ITGBL1: variants seen among roughly 807,000 people sequenced by gnomAD.
ITGBL1 encodes integrin subunit beta like 1, also known as integrin beta-like protein 1.
ITGBL1 carries 51 observed loss-of-function variants against 68.5 expected under a neutral mutation model. That is an observed-to-expected ratio of 0.74 (90% confidence interval 0.59 to 0.94). The LOEUF is 0.94. ITGBL1 is among the 40% of genes least tolerant of loss of function. The pLI, the probability that ITGBL1 is intolerant of heterozygous loss-of-function variation, is 0.00. For synonymous variants in ITGBL1, 209 were observed against 227.3 expected (o/e 0.92, Z 0.72); for missense variants, 649 against 647.4 (o/e 1.00, Z -0.03).
At chr13:101,483,970 A>G (rs576349036) in intron 2 of ITGBL1, among the ~76,000 whole-genome samples, 7 of 152,318 alleles carry the variant, frequency 4.6e-5, no homozygotes, top group Admixed American at 6.5e-5. Flanking sequence ...TGAAATGGAA[A>G]AACAGTACTT....
chr13:101,533,464 C>G (rs2049517602), intron 2 of ITGBL1, among the ~76,000 whole-genome samples: 1 of 152,192 alleles, frequency 6.6e-6, no homozygotes, highest in Admixed American at 6.5e-5. Context: ...AGACTTAAAA[C>G]TGTAGCATGA....
intron 2 of ITGBL1, among the ~76,000 whole-genome samples, chr13:101,553,883 A>C (rs569234133): frequency 2.0e-5 from 3 of 151,986 alleles, no homozygotes; most frequent in Non-Finnish European, 4.4e-5. Context: ...CAAGCAATTC[A>C]ACTGTCTCAA....
chr13:101,460,470 T>C (rs2048303457), intron 2 of ITGBL1, among the ~76,000 whole-genome samples: 2 of 152,348 alleles, frequency 1.3e-5, no homozygotes, highest in African/African-American at 4.8e-5. Context: ...TAAATGCATA[T>C]TGTCTTAGCC....
chr13:101,567,304 A>G (rs527451387), intron 2 of ITGBL1, among the ~76,000 whole-genome samples: 10 of 152,098 alleles, frequency 6.6e-5, no homozygotes, highest in Non-Finnish European at 1.0e-4. Flanking sequence ...AAGAGTCTTT[A>G]TTCATGGTTT....
chr13:101,605,410 GTA>G (rs1489390515), intron 7 of ITGBL1, among the ~76,000 whole-genome samples: 3 of 121,074 alleles, frequency 2.5e-5, no homozygotes, highest in Non-Finnish European at 5.1e-5. Context: ...GTGTATATGC[GTA>G]TATATACACA....
chr13:101,474,352 G>A (rs1220353888), intron 2 of ITGBL1, among the ~76,000 whole-genome samples: 1 of 152,156 alleles, frequency 6.6e-6, no homozygotes, highest in Admixed American at 6.5e-5. Context: ...GGAGAGGGAA[G>A]GGTGGGAAGA....
chr13:101,553,829 C>T (rs964227727), intron 2 of ITGBL1, among the ~76,000 whole-genome samples: 4 of 152,096 alleles, frequency 2.6e-5, no homozygotes, highest in Admixed American at 2.0e-4. Context: ...GGCAGAAGTC[C>T]AATGGCACGA....
chr13:101,593,439 A>G (rs1167167388), intron 6 of ITGBL1, among the ~76,000 whole-genome samples: 1 of 152,090 alleles, frequency 6.6e-6, no homozygotes, highest in Non-Finnish European at 1.5e-5. Flanking sequence ...ATCCAAAAGA[A>G]GTGAAATCAA....
intron 2 of ITGBL1, among the ~76,000 whole-genome samples, chr13:101,465,951 A>T (rs898745385): frequency 6.6e-6 from 1 of 152,206 alleles, no homozygotes; most frequent in Non-Finnish European, 1.5e-5. Flanking sequence ...AAAGACACTC[A>T]TAACTTTAAG....
chr13:101,565,196 T>C (rs552566019), intron 2 of ITGBL1, among the ~76,000 whole-genome samples: 3 of 152,242 alleles, frequency 2.0e-5, no homozygotes, highest in Admixed American at 1.3e-4. Flanking sequence ...GAGGTGTTTT[T>C]TGAAGCCATG....
chr13:101,645,052 A>C (rs1160962061), intron 7 of ITGBL1, among the ~76,000 whole-genome samples: 1 of 152,170 alleles, frequency 6.6e-6, no homozygotes, highest in Non-Finnish European at 1.5e-5. Flanking sequence ...CCCCCTCCCA[A>C]TCAAATGGCA....
chr13:101,688,892 A>G (rs1295605991), intron 7 of ITGBL1, among the ~76,000 whole-genome samples: 1 of 152,084 alleles, frequency 6.6e-6, no homozygotes, highest in Non-Finnish European at 1.5e-5. Flanking sequence ...CGTGTTCAAT[A>G]AATATTGATT....
chr13:101,561,855 TACTTGACAA>T (rs1164669451), intron 2 of ITGBL1, among the ~76,000 whole-genome samples: 1 of 152,224 alleles, frequency 6.6e-6, no homozygotes, highest in Non-Finnish European at 1.5e-5. Flanking sequence ...AGGAATGTGA[TACTTGACAA>T]ACTTGAATCT....
chr13:101,607,888 G>A (rs902352727), intron 7 of ITGBL1, among the ~76,000 whole-genome samples: 2 of 152,012 alleles, frequency 1.3e-5, no homozygotes, highest in Non-Finnish European at 2.9e-5. Context: ...TGTGTTTTCA[G>A]TATTTGCCTT....
chr13:101,525,022 A>T (rs1325509225), intron 2 of ITGBL1, among the ~76,000 whole-genome samples: 1 of 151,990 alleles, frequency 6.6e-6, no homozygotes, highest in East Asian at 1.9e-4. Context: ...TATGCAATTT[A>T]TTTTTTATTT....
At chr13:101,485,542 C>T (rs574983503) in intron 2 of ITGBL1, among the ~76,000 whole-genome samples, 23 of 152,232 alleles carry the variant, frequency 1.5e-4, no homozygotes, top group Non-Finnish European at 2.2e-4. Flanking sequence ...CGGTGGTTCA[C>T]GTCGGTAATC....
chr13:101,579,156 T>A, intron 4 of ITGBL1, 131 bp from the exon 5 acceptor site: 1 of 929,188 alleles, frequency 1.1e-6, no homozygotes, highest in Non-Finnish European at 1.7e-6. Flanking sequence ...ATAATTTGAT[T>A]ATTTTAGGCA....
intron 7 of ITGBL1, among the ~76,000 whole-genome samples, chr13:101,692,328 A>G (rs1191152268): frequency 2.0e-5 from 3 of 152,202 alleles, no homozygotes; most frequent in Non-Finnish European, 4.4e-5. Flanking sequence ...AAATGAATGA[A>G]ACAAAAATTA....
intron 7 of ITGBL1, among the ~76,000 whole-genome samples, chr13:101,601,238 A>G (rs2030356876): frequency 6.6e-6 from 1 of 152,168 alleles, no homozygotes; most frequent in Non-Finnish European, 1.5e-5. Flanking sequence ...TGTTTATAGT[A>G]TTCTCTGATG....
Sources: allele counts gnomAD v4.1 joint callset (sites outside exome capture counted in the v4.1 genomes callset), GRCh38; gene constraint gnomAD v4.1.1; transcripts MANE v1.5; gene names NCBI Gene and HGNC (gene_info 2026-07-23, HGNC 2026-07-21).